Variants in CDH12 observed in about 807,000 individuals in gnomAD.
CDH12 encodes cadherin 12.
CDH12 carries 41 observed loss-of-function variants against 74.1 expected under a neutral mutation model. The ratio of observed to expected loss-of-function variants is 0.55; its 90% CI spans 0.43 to 0.72. CDH12 has a LOEUF of 0.72. CDH12 is among the 30% of genes least tolerant of loss of function. The pLI, the probability that CDH12 is intolerant of heterozygous loss-of-function variation, is 0.00. For synonymous variants in CDH12, 399 were observed against 355.0 expected (o/e 1.12, Z -1.39); for missense variants, 945 against 977.2 (o/e 0.97, Z 0.44).
intron 1 of CDH12, among the ~76,000 whole-genome samples, chr5:22,512,103 C>T (rs1437278690): frequency 6.6e-6 from 1 of 151,944 alleles, no homozygotes; most frequent in East Asian, 1.9e-4. Context: ...CACAAAATCA[C>T]GTCAGTATTA....
intron 3 of CDH12, among the ~76,000 whole-genome samples, chr5:22,383,458 C>T (rs1427756254): frequency 6.6e-6 from 1 of 152,132 alleles, no homozygotes. Flanking sequence ...TTGCAGATGT[C>T]ATTTTTGAGA....
chr5:21,864,497 A>G (rs1010879576), intron 6 of CDH12, among the ~76,000 whole-genome samples: 7 of 152,112 alleles, frequency 4.6e-5, no homozygotes, highest in Non-Finnish European at 8.8e-5. Flanking sequence ...AAGAGTGCCC[A>G]TACTGGATGC....
intron 1 of CDH12, among the ~76,000 whole-genome samples, chr5:22,592,261 C>T (rs1480710535): frequency 6.6e-6 from 1 of 152,176 alleles, no homozygotes; most frequent in Non-Finnish European, 1.5e-5. Flanking sequence ...TCTCAAGCTC[C>T]TCTTTCCACA....
intron 3 of CDH12, among the ~76,000 whole-genome samples, chr5:22,329,607 C>A (rs571705034): frequency 2.4e-4 from 36 of 152,300 alleles, no homozygotes; most frequent in Middle Eastern, 3.4e-3. Context: ...TTAAAAGAGT[C>A]ATTGAAAAGA....
chr5:22,463,136 G>T (rs1745586276), intron 2 of CDH12, among the ~76,000 whole-genome samples: 1 of 152,106 alleles, frequency 6.6e-6, no homozygotes, highest in African/African-American at 2.4e-5. Context: ...ATAAAATAAT[G>T]AGTAATTCTT....
At chr5:22,550,069 A>T (rs2126732111) in intron 1 of CDH12, among the ~76,000 whole-genome samples, 1 of 152,160 alleles carries the variant, frequency 6.6e-6, no homozygotes, top group African/African-American at 2.4e-5. Context: ...CATCTCACAC[A>T]CTTAGCTATC....
At chr5:22,116,256 T>A (rs1486753376) in intron 4 of CDH12, among the ~76,000 whole-genome samples, 1 of 152,248 alleles carries the variant, frequency 6.6e-6, no homozygotes. Flanking sequence ...CTACAGGCCA[T>A]TGTTGGCTTG....
chr5:22,376,947 T>C (rs1242448898), intron 3 of CDH12, among the ~76,000 whole-genome samples: 4 of 152,070 alleles, frequency 2.6e-5, no homozygotes, highest in Non-Finnish European at 5.9e-5. Context: ...TAAACAGAAA[T>C]TCAAATTTGA....
At chr5:21,768,728 A>T (rs1324972205) in intron 11 of CDH12, among the ~76,000 whole-genome samples, 2 of 152,072 alleles carry the variant, frequency 1.3e-5, no homozygotes, top group African/African-American at 4.8e-5. Flanking sequence ...GGAACAAATA[A>T]TATCATTTTC....
chr5:22,232,275 G>T lies in CDH12; in HGVS notation c.-332-19632C>A, dbSNP rs577119106. ...CTAAAAATTTTAAACGTTTTCCTAAGAACGATATGTAACAATATGATTTTT... is the reference window on the plus strand; with the variant it reads ...CTAAAAATTTTAAACGTTTTCCTAATAACGATATGTAACAATATGATTTTT... On this transcript the variant is annotated intron_variant, in intron 3 of 14. Transcript: ENST00000382254. Among the ~76,000 whole-genome samples, 3 of 151,852 alleles carry T rather than the reference G, an allele frequency of 2.0e-5. No individual in the cohort carries two copies. In the South Asian group the frequency reaches 6.2e-4, roughly 32 times the overall value.
chr5:22,800,078 G>A (rs917879425), intron 1 of CDH12, among the ~76,000 whole-genome samples: 22 of 152,172 alleles, frequency 1.4e-4, no homozygotes, highest in African/African-American at 5.3e-4. Context: ...TAGCCACTGA[G>A]GAGGTAGTAG....
Position 21,948,609 on chromosome 5 carries a change from G to C in CDH12, c.526+26482C>G, listed in dbSNP as rs570216239. On this transcript the variant is annotated intron_variant, in intron 6 of 14. Transcript: ENST00000382254. ...CAGATGAGACTTTGAACTGTGGGCT[G>C]TTGAGTTACTGCTGAAATGATTTAA... 2.1e-4 allele frequency among the ~76,000 whole-genome samples: 32 copies of C among 152,162 alleles called. 1 individual carries two copies. In the South Asian group the frequency reaches 5.6e-3, roughly 27 times the overall value.
At chr5:22,454,980 G>A (rs1444438612) in intron 2 of CDH12, among the ~76,000 whole-genome samples, 2 of 152,182 alleles carry the variant, frequency 1.3e-5, no homozygotes, top group Non-Finnish European at 2.9e-5. Context: ...GAGCTCATTA[G>A]AAGCCATGTG....
intron 2 of CDH12, among the ~76,000 whole-genome samples, chr5:22,454,812 T>C (rs2126570339): frequency 6.6e-6 from 1 of 152,250 alleles, no homozygotes; most frequent in African/African-American, 2.4e-5. Flanking sequence ...ATTCCTAAAA[T>C]GGGTCCCAAC....
chr5:22,530,675 G>A (rs1390713669), intron 1 of CDH12, among the ~76,000 whole-genome samples: 2 of 151,898 alleles, frequency 1.3e-5, no homozygotes, highest in East Asian at 3.9e-4. Context: ...AAAATTCAGA[G>A]TTTTATCATT....
At chr5:22,394,574 G>GT (rs1422860462) in intron 3 of CDH12, among the ~76,000 whole-genome samples, 9 of 152,110 alleles carry the variant, frequency 5.9e-5, no homozygotes, top group African/African-American at 2.2e-4. Flanking sequence ...GAAAGGAGCT[G>GT]TGAGTTACAA....
chr5:22,513,481 C>T, intron 1 of CDH12, among the ~76,000 whole-genome samples: 1 of 152,194 alleles, frequency 6.6e-6, no homozygotes, highest in East Asian at 1.9e-4. Flanking sequence ...ATCATACTCA[C>T]CAGCTTTCTA....
intron 5 of CDH12, among the ~76,000 whole-genome samples, chr5:22,013,340 C>T (rs1315819958): frequency 7.2e-5 from 11 of 152,260 alleles, no homozygotes; most frequent in Admixed American, 4.6e-4. Flanking sequence ...AAGGGGCAAA[C>T]CACCCACATG....
chr5:21,880,683 C>CTTTCTTTCTT (rs1752299978), intron 6 of CDH12, among the ~76,000 whole-genome samples: 2 of 107,672 alleles, frequency 1.9e-5, no homozygotes, highest in African/African-American at 6.6e-5. Flanking sequence ...TTCTTTCTTT[C>CTTTCTTTCTT]TTTCTTTCTC....
Sources: gnomAD v4.1 joint callset for allele counts (sites outside exome capture counted in the v4.1 genomes callset) on GRCh38, gnomAD v4.1.1 for gene constraint, MANE v1.5 for transcripts, NCBI Gene and HGNC (gene_info 2026-07-23, HGNC 2026-07-21) for gene names.